The following TXNDC16 variants were observed in gnomAD, a reference collection of about 807,000 sequenced individuals.
TXNDC16 encodes thioredoxin domain containing 16.
Under a neutral mutation model 85.6 loss-of-function variants are expected in TXNDC16, and 74 were observed. That is an observed-to-expected ratio of 0.86 (90% CI 0.72 to 1.05). The LOEUF is 1.05. TXNDC16 is among the 50% of genes least tolerant of loss of function. The pLI, the probability that TXNDC16 is intolerant of heterozygous loss-of-function variation, is 0.00. For missense variants in TXNDC16, 959 were observed against 947.0 expected (o/e 1.01, Z -0.17); for synonymous variants, 335 against 326.5 (o/e 1.03, Z -0.28).
chr14:52,540,685 T>G (rs368293584), intron 4 of TXNDC16, among the ~76,000 whole-genome samples: 4 of 152,328 alleles, frequency 2.6e-5, no homozygotes, highest in African/African-American at 9.6e-5. Flanking sequence ...ATTACAATGA[T>G]CAGGTTCTGC....
intron 1 of TXNDC16, among the ~76,000 whole-genome samples, chr14:52,544,892 T>A (rs1451856803): frequency 6.6e-6 from 1 of 152,074 alleles, no homozygotes; most frequent in Non-Finnish European, 1.5e-5. Context: ...AATGGCATAA[T>A]TAAGGGGTAT....
chr14:52,490,465 G>T lies in TXNDC16; in HGVS notation c.924-14C>A. 6.3e-7 allele frequency: 1 copy of T among 1,587,708 alleles called. No individual in the cohort carries two copies. Among genetic ancestry groups the T allele is most frequent in the Non-Finnish European group, 8.6e-7 (1 of 1,167,846 alleles). ...TCCAAAGAGTCCCTTTTTCAAAATG[G>T]AAATAAATGTTTTATGTTGCTAATC... is the stretch of plus-strand genomic sequence containing the variant. On this transcript the variant is annotated splice_polypyrimidine_tract_variant and intron_variant, in intron 10 of 20. Coordinates refer to ENST00000281741, the MANE Select transcript of TXNDC16 (RefSeq NM_020784.3).
chr14:52,524,867 T>C (rs113672280), intron 6 of TXNDC16, among the ~76,000 whole-genome samples: 1 of 151,474 alleles, frequency 6.6e-6, no homozygotes, highest in Non-Finnish European at 1.5e-5. Flanking sequence ...ACTCCTGTAA[T>C]CCCAGCACTT....
intron 6 of TXNDC16, among the ~76,000 whole-genome samples, chr14:52,536,198 AC>A (rs2037696846): frequency 2.0e-5 from 3 of 152,216 alleles, no homozygotes; most frequent in South Asian, 4.1e-4. Context: ...AATAAAAGAG[AC>A]CCTGAGAGAG....
intron 10 of TXNDC16, 120 bp from the exon 11 acceptor site, chr14:52,490,571 T>C (rs2036377579): frequency 1.2e-6 from 1 of 864,790 alleles, no homozygotes; most frequent in Non-Finnish European, 1.7e-6. Flanking sequence ...AATATTACAA[T>C]TTAGTGACTG....
In TXNDC16 at chr14:52,430,788, T is replaced by G. The variant is rs1366683781; in HGVS notation, c.*1516A>C. The G allele has an allele frequency of 6.6e-6, 1 of 152,184 alleles. No homozygotes were observed. Among genetic ancestry groups the G allele is most frequent in the Non-Finnish European group, 1.5e-5 (1 of 68,038 alleles). The allele number at this position is 152,184 out of a possible 1,614,324, so 9.4% of individuals were successfully genotyped here. A position where few individuals can be genotyped will look rare whatever the true frequency, so the allele number is the denominator to read the frequency against. On this transcript the variant is annotated 3_prime_UTR_variant, in exon 21 of 21. Coordinates refer to ENST00000281741, the MANE Select transcript of TXNDC16 (RefSeq NM_020784.3). ...TTAGAGTTCACTCTCATTGTTCCCATATTAGAAATAAAAGCAAATGAAAAT... is the reference window on the plus strand; with the variant it reads ...TTAGAGTTCACTCTCATTGTTCCCAGATTAGAAATAAAAGCAAATGAAAAT...
chr14:52,439,950 C>T (rs1197801729), intron 19 of TXNDC16, among the ~76,000 whole-genome samples: 3 of 152,118 alleles, frequency 2.0e-5, no homozygotes, highest in African/African-American at 4.8e-5. Context: ...CTATTTTACT[C>T]TTAGATACCT....
chr14:52,519,215 T>C lies in TXNDC16; in HGVS notation c.471A>G (p.Lys157=). ...TTACATATGAGAATATAATATTTGCTTTTCCTTTCAGAGCATTTTCTATGT... is the reference window on the plus strand; with the variant it reads ...TTACATATGAGAATATAATATTTGCCTTTCCTTTCAGAGCATTTTCTATGT... ...LQNIENALKG[K]ANIIFSYVRA... The change falls in exon 7 of 21, where the codon AAA becomes AAG. Residue 157 remains lysine, a synonymous_variant. Coordinates refer to ENST00000281741, the MANE Select transcript of TXNDC16 (RefSeq NM_020784.3). 1 of 1,611,788 alleles carries C rather than the reference T, an allele frequency of 6.2e-7. No homozygotes were observed. Among genetic ancestry groups the C allele is most frequent in the Non-Finnish European group, 8.5e-7 (1 of 1,178,984 alleles).
At chr14:52,541,408 T>C (rs750509951) in intron 4 of TXNDC16, among the ~76,000 whole-genome samples, 50 of 152,228 alleles carry the variant, frequency 3.3e-4, no homozygotes, top group Non-Finnish European at 5.4e-4. Flanking sequence ...TACTACTTCA[T>C]TTCTAAGTTT....
intron 18 of TXNDC16, among the ~76,000 whole-genome samples, chr14:52,446,615 AC>A (rs1368676624): frequency 6.6e-6 from 1 of 151,872 alleles, no homozygotes. Flanking sequence ...TGCTGATGCC[AC>A]CTCTCCCCTA....
chr14:52,482,530 T>C (rs1376836876), intron 13 of TXNDC16, among the ~76,000 whole-genome samples: 1 of 152,140 alleles, frequency 6.6e-6, no homozygotes, highest in Non-Finnish European at 1.5e-5. Flanking sequence ...AAAAGCAATA[T>C]ACTTACTATA....
chr14:52,542,222 T>C lies in TXNDC16; in HGVS notation c.243+149A>G, dbSNP rs551726432. The C allele has an allele frequency of 9.6e-5, 56 of 583,814 alleles. No individual in the cohort carries two copies. The East Asian group carries it at 1.6e-3, about 17-fold the overall frequency. 36.2% of individuals were successfully genotyped at this position (583,814 alleles called of 1,614,324 possible). A position where few individuals can be genotyped will look rare whatever the true frequency, so the allele number is the denominator to read the frequency against. ...GTTATGCAATAACCTGAAACTATCTTTCTGGGCTTCTGTTTATTCTTATGA... is the reference window on the plus strand; with the variant it reads ...GTTATGCAATAACCTGAAACTATCTCTCTGGGCTTCTGTTTATTCTTATGA... On this transcript the variant is annotated intron_variant, in intron 4 of 20. Coordinates refer to ENST00000281741, the MANE Select transcript of TXNDC16 (RefSeq NM_020784.3).
intron 5 of TXNDC16, 69 bp downstream of exon 5, chr14:52,537,530 T>A (rs2037731196): frequency 8.8e-7 from 1 of 1,136,042 alleles, no homozygotes; most frequent in Non-Finnish European, 1.3e-6. Flanking sequence ...CTCAGTGATA[T>A]TTTACATATT....
intron 9 of TXNDC16, among the ~76,000 whole-genome samples, chr14:52,491,554 A>T (rs192416549): frequency 2.1e-4 from 31 of 150,532 alleles, no homozygotes; most frequent in Non-Finnish European, 4.4e-5. Context: ...TAAACCAAAA[A>T]TTACAATCAT....
chr14:52,450,660 T>C (rs1257053722), intron 18 of TXNDC16, among the ~76,000 whole-genome samples: 1 of 151,974 alleles, frequency 6.6e-6, no homozygotes, highest in African/African-American at 2.4e-5. Flanking sequence ...ACACTGCTGG[T>C]GGGAATGTAA....
intron 16 of TXNDC16, among the ~76,000 whole-genome samples, chr14:52,457,754 T>A (rs1387961274): frequency 1.3e-5 from 2 of 152,252 alleles, no homozygotes; most frequent in Non-Finnish European, 2.9e-5. Flanking sequence ...TGTATTGTCT[T>A]TTCTCATTTG....
chr14:52,523,530 A>C (rs765999894), intron 6 of TXNDC16, among the ~76,000 whole-genome samples: 1 of 152,248 alleles, frequency 6.6e-6, no homozygotes, highest in African/African-American at 2.4e-5. Context: ...ACAGAGAGAA[A>C]TAAATTACTT....
At chr14:52,441,174 T>C (rs945700320) in intron 18 of TXNDC16, among the ~76,000 whole-genome samples, 5 of 152,210 alleles carry the variant, frequency 3.3e-5, no homozygotes, top group Admixed American at 1.3e-4. Context: ...TCCAATATTA[T>C]GGTTAAAATC....
At chr14:52,457,007 G>A in intron 17 of TXNDC16, 83 bp downstream of exon 17, 2 of 968,684 alleles carry the variant, frequency 2.1e-6, no homozygotes, top group Non-Finnish European at 3.1e-6. Context: ...TCCTCCATCA[G>A]CTGTGTAAAT....
Sources: gnomAD v4.1 joint callset for allele counts (sites outside exome capture counted in the v4.1 genomes callset) on GRCh38, gnomAD v4.1.1 for gene constraint, MANE v1.5 for transcripts, NCBI Gene and HGNC (gene_info 2026-07-23, HGNC 2026-07-21) for gene names.